ERBB4: variants seen among roughly 807,000 people sequenced by gnomAD.
ERBB4 encodes erb-b2 receptor tyrosine kinase 4.
Under a neutral mutation model 158.0 loss-of-function variants are expected in ERBB4, and 42 were observed. That is an observed-to-expected ratio of 0.27 (90% confidence interval 0.21 to 0.34). The LOEUF is 0.34. Ranked by LOEUF, ERBB4 falls within the 10% of genes least tolerant of loss-of-function variation. ERBB4 has a pLI of 1.00. For missense variants in ERBB4, 1,333 were observed against 1,624.1 expected, an observed-to-expected ratio of 0.82 and a Z score of 3.08; for synonymous variants, 583 against 558.7, an observed-to-expected ratio of 1.04 and a Z score of -0.61.
At chr2:211,858,211 G>C (rs1489573926) in intron 3 of ERBB4, among the ~76,000 whole-genome samples, 1 of 152,162 alleles carries the variant, frequency 6.6e-6, no homozygotes, top group East Asian at 1.9e-4. Context: ...CTGAGACCAA[G>C]AGATGGAGGT....
intron 17 of ERBB4, among the ~76,000 whole-genome samples, chr2:211,630,153 C>A (rs1036040277): frequency 6.6e-6 from 1 of 152,198 alleles, no homozygotes; most frequent in Non-Finnish European, 1.5e-5. Context: ...TTTTCTAGAT[C>A]TGCTGCTATT....
chr2:211,645,368 TATTA>T (rs1355229255), intron 16 of ERBB4, among the ~76,000 whole-genome samples: 1 of 151,702 alleles, frequency 6.6e-6, no homozygotes, highest in Non-Finnish European at 1.5e-5. Flanking sequence ...ATTCTATAAA[TATTA>T]TTTATAATTT....
intron 4 of ERBB4, among the ~76,000 whole-genome samples, chr2:211,767,880 T>C (rs1479338118): frequency 6.6e-6 from 1 of 152,152 alleles, no homozygotes; most frequent in East Asian, 1.9e-4. Flanking sequence ...TCTCATGACC[T>C]CACATTTCAA....
intron 24 of ERBB4, among the ~76,000 whole-genome samples, chr2:211,421,164 G>A (rs562225250): frequency 4.0e-5 from 6 of 151,866 alleles, no homozygotes; most frequent in South Asian, 4.1e-4. Context: ...TCCTCACCTC[G>A]TCTATTTCTT....
intron 20 of ERBB4, among the ~76,000 whole-genome samples, chr2:211,542,084 C>A (rs2066825045): frequency 6.6e-6 from 1 of 151,970 alleles, no homozygotes; most frequent in Admixed American, 6.6e-5. Context: ...ACTTTCATTT[C>A]ACCTAAGAAC....
chr2:211,917,362 T>C (rs1424445591), intron 3 of ERBB4, among the ~76,000 whole-genome samples: 2 of 152,056 alleles, frequency 1.3e-5, no homozygotes, highest in Non-Finnish European at 2.9e-5. Context: ...AGCTACACAG[T>C]GGAGATGGGT....
intron 15 of ERBB4, among the ~76,000 whole-genome samples, chr2:211,663,397 T>C: frequency 6.6e-6 from 1 of 152,308 alleles, no homozygotes; most frequent in South Asian, 2.1e-4. Flanking sequence ...ATTCAAATTC[T>C]GTCTCAACTT....
At chr2:212,011,806 G>A (rs2076394804) in intron 2 of ERBB4, among the ~76,000 whole-genome samples, 1 of 151,716 alleles carries the variant, frequency 6.6e-6, no homozygotes, top group South Asian at 2.1e-4. Flanking sequence ...CCTTCAGAAG[G>A]CATATAATGT....
chr2:212,269,202 G>A lies in ERBB4; in HGVS notation c.83-144299C>T, dbSNP rs1257639993. On this transcript the variant is annotated intron_variant, in intron 1 of 27. Coordinates refer to ENST00000342788, the MANE Select transcript of ERBB4 (RefSeq NM_005235.3). ...CAAAAAGGTTACTTGCCCTTTTAAT[G>A]TTGCTGTGATTCAATTGTACAGATG... Among the ~76,000 whole-genome samples the A allele has an allele frequency of 3.3e-5, 5 of 151,944 alleles. No homozygotes were observed. In the South Asian group the frequency reaches 1.0e-3, roughly 32 times the overall value.
chr2:212,361,672 G>A (rs12478244), intron 1 of ERBB4, among the ~76,000 whole-genome samples: 13,443 of 151,666 alleles, frequency 0.089, 692 homozygotes, highest in Admixed American at 0.12. Context: ...GGGGCTTGTA[G>A]CTGAACTACT....
At chr2:212,122,832 C>T (rs2371475) in intron 2 of ERBB4, among the ~76,000 whole-genome samples, 3 of 151,624 alleles carry the variant, frequency 2.0e-5, no homozygotes, top group Non-Finnish European at 4.4e-5. Context: ...CTGTCATTTA[C>T]AATAGTCACA....
At chr2:212,489,179 C>G (rs1189055581) in intron 1 of ERBB4, among the ~76,000 whole-genome samples, 1 of 151,756 alleles carries the variant, frequency 6.6e-6, no homozygotes, top group African/African-American at 2.4e-5. Flanking sequence ...ACCTTTTCCC[C>G]TTATATCCCA....
rs147949808 is a variant in ERBB4 at position 211,711,329 on chromosome 2, C to T, written c.1124+721G>A. Among the ~76,000 whole-genome samples the T allele has an allele frequency of 6.5e-3, 988 of 152,218 alleles. 12 individuals carry two copies. Among genetic ancestry groups the T allele is most frequent in the Non-Finnish European group, 8.3e-3 (563 of 68,004 alleles). ...AAAATATATGAGAGATATTCTTTAT[C>T]TGTAGCCTGCAGCACTAACATTTAG... On this transcript the variant is annotated intron_variant, in intron 9 of 27. Coordinates refer to ENST00000342788, the MANE Select transcript of ERBB4 (RefSeq NM_005235.3).
At chr2:212,327,661 C>A (rs1255676785) in intron 1 of ERBB4, among the ~76,000 whole-genome samples, 1 of 150,766 alleles carries the variant, frequency 6.6e-6, no homozygotes. Context: ...TGCAAGTGGG[C>A]ACAAGGGATC....
In ERBB4 at chr2:212,404,870, T is replaced by C. The variant is rs1294988312; in HGVS notation, c.82+133579A>G. On this transcript the variant is annotated intron_variant, in intron 1 of 27. Transcript: ENST00000342788. ...CTTTGTGCTCACGAGTTCTCATCAT[T>C]TAGCTCCCACTTATAAGTGAAAACA... 2.0e-5 allele frequency among the ~76,000 whole-genome samples: 3 copies of C among 152,052 alleles called. No individual in the cohort carries two copies. In the South Asian group the frequency reaches 6.2e-4, roughly 31 times the overall value.
intron 19 of ERBB4, among the ~76,000 whole-genome samples, chr2:211,580,608 A>C (rs1026159419): frequency 7.3e-5 from 11 of 151,478 alleles, no homozygotes; most frequent in African/African-American, 2.7e-4. Flanking sequence ...TTAAAGAACT[A>C]AAAGTAAAAC....
At chr2:211,582,910 A>G (rs760215705) in intron 19 of ERBB4, among the ~76,000 whole-genome samples, 1 of 152,158 alleles carries the variant, frequency 6.6e-6, no homozygotes, top group East Asian at 1.9e-4. Flanking sequence ...ATTATATGTT[A>G]TCTGTAATTA....
At chr2:211,470,157 T>A (rs1266891706) in intron 20 of ERBB4, among the ~76,000 whole-genome samples, 1 of 152,144 alleles carries the variant, frequency 6.6e-6, no homozygotes, top group East Asian at 1.9e-4. Context: ...ATCAAAAAGT[T>A]CATATTTAAA....
At chr2:211,619,080 T>C (rs1441955386) in intron 19 of ERBB4, 97 bp downstream of exon 19, 2 of 746,816 alleles carry the variant, frequency 2.7e-6, no homozygotes, top group Non-Finnish European at 4.8e-6. Context: ...TAAGAGAAAT[T>C]TGTAAGTTGT....
Sources: allele counts gnomAD v4.1 joint callset (sites outside exome capture counted in the v4.1 genomes callset), GRCh38; gene constraint gnomAD v4.1.1; transcripts MANE v1.5; gene names NCBI Gene and HGNC (gene_info 2026-07-23, HGNC 2026-07-21).